Variants in WDR33 observed in about 807,000 individuals in gnomAD.
WDR33 encodes WD repeat domain 33.
A neutral mutation model predicts 164.9 loss-of-function variants in WDR33; 47 were observed. The ratio of observed to expected loss-of-function variants is 0.29; its 90% CI spans 0.23 to 0.36. The LOEUF is 0.36. Ranked by LOEUF, WDR33 falls within the 10% of genes least tolerant of loss-of-function variation. WDR33 has a pLI of 1.00. For synonymous variants in WDR33, 505 were observed against 589.0 expected, an observed-to-expected ratio of 0.86 and a Z score of 2.06; for missense variants, 1,137 against 1,754.1, an observed-to-expected ratio of 0.65 and a Z score of 6.28.
At position 127,710,744 on chromosome 2, in the gene WDR33, A is replaced by G. The variant is rs1298963196; in HGVS notation, c.3309-888T>C. On this transcript the variant is annotated intron_variant, in intron 18 of 21. Coordinates refer to ENST00000322313, the MANE Select transcript of WDR33 (RefSeq NM_018383.5). The surrounding 1 kb of genome is among the most constrained non-coding windows in gnomAD (Gnocchi z 4.4). ...GCGCCACCCTGCAGGGCCCCTCTGC[A>G]TGAGCTGCATGGCCTCCTCCCAGGC... 2.0e-5 allele frequency among the ~76,000 whole-genome samples: 3 copies of G among 152,100 alleles called. No homozygotes were observed. The highest frequency in any genetic ancestry group is 4.4e-5 in the Non-Finnish European group (3 of 68,032).
chr2:127,710,638 T>C lies in WDR33; in HGVS notation c.3309-782A>G, dbSNP rs1343612030. On this transcript the variant is annotated intron_variant, in intron 18 of 21. Transcript: ENST00000322313. This position sits in a 1 kb window ranked among gnomAD's most constrained non-coding sequence, Gnocchi z 4.4. ...AGGAGACTACACTGACTGGGAGTAT[T>C]GCTGAGGCAGAGAGGGTACCAGGAG... is the stretch of plus-strand genomic sequence containing the variant. Among the ~76,000 whole-genome samples the C allele has an allele frequency of 6.6e-6, 1 of 152,212 alleles. No individual in the cohort carries two copies. Among genetic ancestry groups the C allele is most frequent in the Non-Finnish European group, 1.5e-5 (1 of 68,042 alleles).
At chr2:127,759,287 C>T (rs574970852) in intron 7 of WDR33, among the ~76,000 whole-genome samples, 21 of 152,194 alleles carry the variant, frequency 1.4e-4, no homozygotes, top group African/African-American at 4.6e-4. Flanking sequence ...ACAAATCCAC[C>T]GTCAACAGAT....
In WDR33 at chr2:127,706,633, T is replaced by C. The variant is rs1686022630; in HGVS notation, c.3782-81A>G. On this transcript the variant is annotated intron_variant, in intron 21 of 21. Transcript: ENST00000322313. This position sits in a 1 kb window ranked among gnomAD's most constrained non-coding sequence, Gnocchi z 5.1. The stretch of plus-strand genomic sequence containing the variant: ...AACTCCCAGTACAAACTTTACTCTC[T>C]GATGACAATGGACCAGTTCTGGTGG... 1.5e-6 allele frequency: 2 copies of C among 1,298,850 alleles called. No homozygotes were observed. Among genetic ancestry groups the C allele is most frequent in the Non-Finnish European group, 2.1e-6 (2 of 936,932 alleles). 80.5% of individuals were successfully genotyped at this position (1,298,850 alleles called of 1,614,324 possible).
At position 127,701,535 on chromosome 2, in the gene WDR33, G is replaced by A. The variant is rs749941514; in HGVS notation, c.*4788C>T. 1.5e-6 allele frequency: 2 copies of A among 1,337,968 alleles called. No individual in the cohort carries two copies. Among genetic ancestry groups the A allele is most frequent in the South Asian group, 2.0e-5 (1 of 50,542 alleles). The allele number at this position is 1,337,968 out of a possible 1,614,324, so 82.9% of individuals were successfully genotyped here. ...TGCCACCGCCTTGTCCAAGATGGCG[G>A]ACCTCCACCGCCAGCTGCAGGAGTA... On this transcript the variant is annotated 3_prime_UTR_variant, in exon 22 of 22. Coordinates refer to ENST00000322313, the MANE Select transcript of WDR33 (RefSeq NM_018383.5).
At chr2:127,809,174 T>C (rs540747991) in intron 1 of WDR33, among the ~76,000 whole-genome samples, 2 of 152,124 alleles carry the variant, frequency 1.3e-5, no homozygotes, top group East Asian at 3.9e-4. Flanking sequence ...ACTTCAGCCA[T>C]AATCAAATAA....
intron 1 of WDR33, among the ~76,000 whole-genome samples, chr2:127,806,172 T>TA (rs1689432810): frequency 6.6e-6 from 1 of 151,188 alleles, no homozygotes; most frequent in Non-Finnish European, 1.5e-5. Context: ...TTAAAATGCT[T>TA]ACAGTGGCTC....
At chr2:127,743,436 T>G (rs1291799283) in intron 7 of WDR33, among the ~76,000 whole-genome samples, 2 of 152,154 alleles carry the variant, frequency 1.3e-5, no homozygotes, top group Middle Eastern at 3.2e-3. Flanking sequence ...ACCACAAGAT[T>G]ATCACTCTTT....
chr2:127,789,937 G>A (rs1688787096), intron 1 of WDR33, among the ~76,000 whole-genome samples: 1 of 152,196 alleles, frequency 6.6e-6, no homozygotes, highest in East Asian at 1.9e-4. Context: ...CCAGGCTCAA[G>A]CAATCCTTTC....
At chr2:127,785,355 A>G (rs544612197) in intron 1 of WDR33, among the ~76,000 whole-genome samples, 1 of 152,336 alleles carries the variant, frequency 6.6e-6, no homozygotes, top group East Asian at 1.9e-4. Flanking sequence ...ATACGTATGT[A>G]TTAGCATACA....
intron 1 of WDR33, among the ~76,000 whole-genome samples, chr2:127,807,698 C>G (rs1409532311): frequency 1.3e-5 from 2 of 152,174 alleles, no homozygotes; most frequent in South Asian, 2.1e-4. Context: ...AGCCAAAGAT[C>G]AGAAATAAAC....
At position 127,712,347 on chromosome 2, in the gene WDR33, G is replaced by T. The variant is rs1686202534; in HGVS notation, c.3308+1236C>A. ...GAAGGTGGAGGCTGCAGTGAGCCGA[G>T]ATCGTGCCACTGCACTCCAGCCTGG... is the stretch of plus-strand genomic sequence containing the variant. On this transcript the variant is annotated intron_variant, in intron 18 of 21. Coordinates refer to ENST00000322313, the MANE Select transcript of WDR33 (RefSeq NM_018383.5). This position sits in a 1 kb window ranked among gnomAD's most constrained non-coding sequence, Gnocchi z 4.0. Among the ~76,000 whole-genome samples the T allele has an allele frequency of 6.6e-6, 1 of 151,486 alleles. No homozygotes were observed. Among genetic ancestry groups the T allele is most frequent in the South Asian group, 2.1e-4 (1 of 4,788 alleles).
At chr2:127,737,851 A>G in intron 7 of WDR33, 1 of 1,384,494 alleles carries the variant, frequency 7.2e-7, no homozygotes, top group African/African-American at 1.5e-5. Context: ...ACATAAAAGC[A>G]ACAAATAATC....
chr2:127,737,855 A>C, intron 7 of WDR33: 2 of 1,393,378 alleles, frequency 1.4e-6, no homozygotes, highest in Non-Finnish European at 1.9e-6. Flanking sequence ...AAAAGCAACA[A>C]ATAATCCGTG....
intron 1 of WDR33, among the ~76,000 whole-genome samples, chr2:127,775,859 A>G (rs563547177): frequency 6.6e-6 from 1 of 152,294 alleles, no homozygotes; most frequent in African/African-American, 2.4e-5. Context: ...TCAAGAATGA[A>G]GAAAACGAGA....
At position 127,735,702 on chromosome 2, in the gene WDR33, C is replaced by T. The variant is rs1043398750; in HGVS notation, c.725-8925G>A. ...ACAAAGGGTATATGAGTACCCATGG[C>T]CCATAGCCAGATACTCCAGTTGGAC... is the stretch of plus-strand genomic sequence containing the variant. On this transcript the variant is annotated intron_variant, in intron 7 of 21. Transcript: ENST00000322313. The surrounding 1 kb of genome is among the most constrained non-coding windows in gnomAD (Gnocchi z 4.3). The T allele has an allele frequency of 1.0e-6, 1 of 985,562 alleles. No individual in the cohort carries two copies. Among genetic ancestry groups the T allele is most frequent in the South Asian group, 4.7e-5 (1 of 21,278 alleles). 61.1% of individuals were successfully genotyped at this position (985,562 alleles called of 1,614,324 possible). A position where few individuals can be genotyped will look rare whatever the true frequency, so the allele number is the denominator to read the frequency against.
chr2:127,711,780 A>ATATATATTTTTTTTTTTTTTTT, intron 18 of WDR33, among the ~76,000 whole-genome samples: 1 of 88,318 alleles, frequency 1.1e-5, no homozygotes, highest in Admixed American at 1.2e-4. Context: ...ATATATATAT[A>ATATATATTTTTTTTTTTTTTTT]TTTTTTTTTT....
At chr2:127,782,818 G>C (rs1688421215) in intron 1 of WDR33, among the ~76,000 whole-genome samples, 1 of 152,138 alleles carries the variant, frequency 6.6e-6, no homozygotes, top group Non-Finnish European at 1.5e-5. Context: ...GACCATCCTG[G>C]CTAACATGGT....
chr2:127,780,912 G>C (rs1197628392), intron 1 of WDR33, among the ~76,000 whole-genome samples: 3 of 152,110 alleles, frequency 2.0e-5, no homozygotes, highest in Non-Finnish European at 4.4e-5. Context: ...CCAGGCTGGA[G>C]TGCAGTGGCA....
chr2:127,772,343 G>A (rs1248690195), intron 1 of WDR33, among the ~76,000 whole-genome samples: 1 of 152,060 alleles, frequency 6.6e-6, no homozygotes, highest in African/African-American at 2.4e-5. Flanking sequence ...GGAGGCTGAG[G>A]CAGGAGAATC....
Sources: allele counts gnomAD v4.1 joint callset (sites outside exome capture counted in the v4.1 genomes callset), GRCh38; gene constraint gnomAD v4.1.1; non-coding constraint Gnocchi (gnomAD v3.1); transcripts MANE v1.5; gene names NCBI Gene and HGNC (gene_info 2026-07-23, HGNC 2026-07-21).